The following SGK3 variants were observed in gnomAD, a reference collection of about 807,000 sequenced individuals.
SGK3 encodes the protein serine/threonine-protein kinase Sgk3.
Under a neutral mutation model 68.5 loss-of-function variants are expected in SGK3, and 47 were observed. The ratio of observed to expected loss-of-function variants is 0.69; its 90% confidence interval spans 0.54 to 0.87. SGK3 has a LOEUF of 0.87. SGK3 is among the 40% of genes least tolerant of loss of function. The probability of loss-of-function intolerance (pLI) is 0.00; values close to 1 mark genes in which losing one functional copy is unlikely to be tolerated. For synonymous variants in SGK3, 181 were observed against 189.1 expected (o/e 0.96, Z 0.35); for missense variants, 479 against 575.5 (o/e 0.83, Z 1.72).
Position 66,766,061 on chromosome 8 carries a change from C to A in SGK3, c.-121-27555C>A, listed in dbSNP as rs1443991914. Among the ~76,000 whole-genome samples, 7 of 151,170 alleles carry A rather than the reference C, an allele frequency of 4.6e-5. No homozygotes were observed. The East Asian group carries it at 1.4e-3, about 29-fold the overall frequency. On this transcript the variant is annotated intron_variant, in intron 1 of 16. Coordinates refer to ENST00000521198, the MANE Select transcript of SGK3 (RefSeq NM_001033578.3). Reference sequence around the variant, plus strand: ...AAATTGGATTTTTCCAAATGTCTTGCTGTTATTGATTCCTAATTTAATTTT... The same window carrying A: ...AAATTGGATTTTTCCAAATGTCTTGATGTTATTGATTCCTAATTTAATTTT...
At chr8:66,804,322 AACTAGAAGACTTAT>A in intron 3 of SGK3, 39 bp from the exon 4 acceptor site, 2 of 1,501,906 alleles carry the variant, frequency 1.3e-6, no homozygotes, top group East Asian at 2.5e-5. Flanking sequence ...ATGTGTGCAT[AACTAGAAGACTTAT>A]AAAATTAGTT....
intron 1 of SGK3, among the ~76,000 whole-genome samples, chr8:66,715,575 C>T (rs1804609984): frequency 6.6e-6 from 1 of 152,290 alleles, no homozygotes; most frequent in Middle Eastern, 3.4e-3. Context: ...TCTTTCTAAA[C>T]TACTTAGATT....
intron 16 of SGK3, among the ~76,000 whole-genome samples, chr8:66,858,203 C>T (rs1563664227): frequency 6.6e-6 from 1 of 152,090 alleles, no homozygotes; most frequent in Non-Finnish European, 1.5e-5. Context: ...CGGTGGCTCA[C>T]GCCTGTAATT....
chr8:66,822,117 C>T (rs1276006923), intron 5 of SGK3, among the ~76,000 whole-genome samples: 2 of 151,614 alleles, frequency 1.3e-5, no homozygotes, highest in African/African-American at 4.9e-5. Context: ...GCCATCTTCA[C>T]AAATTTGCTG....
At chr8:66,842,571 T>C (rs1041504327) in intron 13 of SGK3, among the ~76,000 whole-genome samples, 3 of 152,204 alleles carry the variant, frequency 2.0e-5, no homozygotes, top group Non-Finnish European at 4.4e-5. Context: ...TAATATATTT[T>C]GGAATGTAAA....
chr8:66,792,829 G>T (rs1215571530), intron 1 of SGK3, among the ~76,000 whole-genome samples: 1 of 152,186 alleles, frequency 6.6e-6, no homozygotes, highest in Non-Finnish European at 1.5e-5. Flanking sequence ...CTTGAGCCTA[G>T]GAGTTTGAGG....
chr8:66,849,591 A>ATT (rs1393102191), intron 15 of SGK3, among the ~76,000 whole-genome samples: 1 of 145,038 alleles, frequency 6.9e-6, no homozygotes, highest in African/African-American at 2.6e-5. Flanking sequence ...TTTTGGGGGA[A>ATT]TATTTTTTTT....
At position 66,773,341 on chromosome 8, in the gene SGK3, C is replaced by T. The variant is rs527665188; in HGVS notation, c.-121-20275C>T. Among the ~76,000 whole-genome samples the T allele has an allele frequency of 1.5e-4, 23 of 152,202 alleles. No homozygotes were observed. In the South Asian group the frequency reaches 1.7e-3, roughly 11 times the overall value. On this transcript the variant is annotated intron_variant, in intron 1 of 16. Coordinates refer to ENST00000521198, the MANE Select transcript of SGK3 (RefSeq NM_001033578.3). ...GAAAGCCAAGGACCTGGTGACCAAA[C>T]GTGAGGACTGAGAGGGAAGAGTCAA...
intron 1 of SGK3, among the ~76,000 whole-genome samples, chr8:66,760,152 CTAAG>C (rs1305425225): frequency 6.6e-6 from 1 of 152,012 alleles, no homozygotes; most frequent in Non-Finnish European, 1.5e-5. Context: ...GTTAGTATCA[CTAAG>C]TGAGTGCCTC....
chr8:66,771,614 A>G (rs1411467600), intron 1 of SGK3, among the ~76,000 whole-genome samples: 1 of 152,228 alleles, frequency 6.6e-6, no homozygotes, highest in Non-Finnish European at 1.5e-5. Flanking sequence ...ATGCTGTGTG[A>G]TTCTTTTTCA....
chr8:66,832,558 C>T (rs1809344933), intron 8 of SGK3, among the ~76,000 whole-genome samples: 1 of 152,098 alleles, frequency 6.6e-6, no homozygotes, highest in South Asian at 2.1e-4. Flanking sequence ...TCAAAATCCC[C>T]AAAATTCTAT....
chr8:66,822,413 A>T lies in SGK3; in HGVS notation c.371A>T (p.His124Leu), dbSNP rs574203589. Residue 124 changes from histidine to leucine, a missense_variant, in exon 6 of 17, where the codon CAC (histidine) becomes CTC (leucine). By Grantham distance (99) the His-to-Leu change is moderately conservative (BLOSUM62 -3). Around this residue, in one of 3 missense-constraint regions of SGK3, gnomAD observed 298 missense variants for 329.4 expected, o/e 0.90. Transcript: ENST00000521198. ...TTCCTTCAAATGGACAGTCCAAAAC[A>T]CCAGTCAGATCCATCTGAAGATGAG... ...RAFLQMDSPKHQSDPSEDEDE... is the reference protein window; with the variant it reads ...RAFLQMDSPKLQSDPSEDEDE... 3.7e-6 allele frequency: 6 copies of T among 1,611,686 alleles called. No homozygotes were observed. Among genetic ancestry groups the T allele is most frequent in the Non-Finnish European group, 5.1e-6 (6 of 1,178,934 alleles).
At chr8:66,767,007 C>G (rs1806340259) in intron 1 of SGK3, among the ~76,000 whole-genome samples, 1 of 152,132 alleles carries the variant, frequency 6.6e-6, no homozygotes, top group African/African-American at 2.4e-5. Context: ...CACCACCACA[C>G]CTGGCTATTG....
chr8:66,784,393 G>A (rs1358119052), intron 1 of SGK3, among the ~76,000 whole-genome samples: 1 of 152,092 alleles, frequency 6.6e-6, no homozygotes, highest in African/African-American at 2.4e-5. Flanking sequence ...ATGCCTTGGT[G>A]TGAATCACCA....
Position 66,840,941 on chromosome 8 carries a change from CAAAAAAAA to C in SGK3, c.892-73_892-66del. 2 of 764,784 alleles carry C rather than the reference CAAAAAAAA, an allele frequency of 2.6e-6. 1 individual carries two copies. The highest frequency in any genetic ancestry group is 9.8e-5 in the Admixed American group (2 of 20,504). The allele number at this position is 764,784 out of a possible 1,614,324, so 47.4% of individuals were successfully genotyped here. A position where few individuals can be genotyped will look rare whatever the true frequency, so the allele number is the denominator to read the frequency against. On this transcript the variant is annotated intron_variant, in intron 12 of 16. Transcript: ENST00000521198. The stretch of plus-strand genomic sequence containing the variant: ...TGGGCAACAGAGTAAGACTCTGTTT[CAAAAAAAA>C]AAAAAAAAATTAACTGAAAAATTGT...
Position 66,744,594 on chromosome 8 carries a change from G to C in SGK3, c.-122+31761G>C, listed in dbSNP as rs185744088. 2.4e-4 allele frequency among the ~76,000 whole-genome samples: 31 copies of C among 129,702 alleles called. 1 individual carries two copies. The East Asian group carries it at 7.5e-3, about 32-fold the overall frequency. The allele number at this position is 129,702 out of a possible 152,430, so 85.1% of individuals were successfully genotyped here. A position where few individuals can be genotyped will look rare whatever the true frequency, so the allele number is the denominator to read the frequency against. ...AAGGCTGGAGCTCACTGCAACCTCT[G>C]CCTCCCGGGTTCAAGCAATTCTTCT... On this transcript the variant is annotated intron_variant, in intron 1 of 16. Transcript: ENST00000521198.
At chr8:66,789,024 A>C (rs1807324433) in intron 1 of SGK3, among the ~76,000 whole-genome samples, 1 of 152,098 alleles carries the variant, frequency 6.6e-6, no homozygotes, top group African/African-American at 2.4e-5. Context: ...CACTTCATGC[A>C]ATTTGCATCT....
intron 1 of SGK3, among the ~76,000 whole-genome samples, chr8:66,738,721 G>A (rs373128890): frequency 4.0e-5 from 6 of 151,698 alleles, no homozygotes; most frequent in Non-Finnish European, 8.8e-5. Context: ...TCCGCCTCCC[G>A]GGTTCACACC....
intron 1 of SGK3, among the ~76,000 whole-genome samples, chr8:66,785,226 A>G (rs756435397): frequency 1.3e-5 from 2 of 152,252 alleles, no homozygotes; most frequent in African/African-American, 2.4e-5. Flanking sequence ...TGCATGTAAC[A>G]ACATAAGAAG....
Sources: allele counts gnomAD v4.1 joint callset (sites outside exome capture counted in the v4.1 genomes callset), GRCh38; gene constraint gnomAD v4.1.1; regional missense constraint gnomAD v4.1.1; transcripts MANE v1.5; gene names NCBI Gene and HGNC (gene_info 2026-07-23, HGNC 2026-07-21).